Variants in CNTNAP2 observed in about 807,000 individuals in gnomAD.
CNTNAP2 encodes the protein contactin-associated protein-like 2.
In CNTNAP2, 98 loss-of-function variants were observed where a neutral mutation model predicts 155.2. The ratio of observed to expected loss-of-function variants is 0.63; its 90% CI spans 0.54 to 0.75. The LOEUF (loss-of-function observed/expected upper bound fraction) is 0.75, where lower values mean the gene tolerates loss of function less well. Ranked by LOEUF, CNTNAP2 falls within the 30% of genes least tolerant of loss-of-function variation. The pLI, the probability that CNTNAP2 is intolerant of heterozygous loss-of-function variation, is 0.00. For missense variants in CNTNAP2, 1,727 were observed against 1,688.1 expected (o/e 1.02, Z -0.40); for synonymous variants, 651 against 631.2 (o/e 1.03, Z -0.47).
intron 1 of CNTNAP2, among the ~76,000 whole-genome samples, chr7:146,650,880 A>T (rs1585024996): frequency 6.6e-6 from 1 of 152,218 alleles, no homozygotes; most frequent in East Asian, 1.9e-4. Context: ...AAACAGCCAG[A>T]TGGACTGGTA....
At chr7:146,324,969 CT>C (rs566221256) in intron 1 of CNTNAP2, among the ~76,000 whole-genome samples, 29 of 152,114 alleles carry the variant, frequency 1.9e-4, no homozygotes, top group Non-Finnish European at 3.1e-4. Context: ...GATTCCCACT[CT>C]GTTGCACAGG....
At chr7:146,947,373 T>A (rs1797198136) in intron 3 of CNTNAP2, among the ~76,000 whole-genome samples, 1 of 143,044 alleles carries the variant, frequency 7.0e-6, no homozygotes, top group Non-Finnish European at 1.5e-5. Context: ...CCTATCAAGT[T>A]CCTTCTCTCT....
intron 15 of CNTNAP2, among the ~76,000 whole-genome samples, chr7:148,010,696 T>C (rs1292661721): frequency 6.6e-6 from 1 of 151,356 alleles, no homozygotes; most frequent in Non-Finnish European, 1.5e-5. Flanking sequence ...TTTTTTAGAG[T>C]CAATTTAGGT....
At position 147,719,489 on chromosome 7, in the gene CNTNAP2, C is replaced by T. The variant is rs1396214918; in HGVS notation, c.2098+80183C>T. 2.6e-5 allele frequency among the ~76,000 whole-genome samples: 4 copies of T among 151,896 alleles called. No individual in the cohort carries two copies. The East Asian group carries it at 7.7e-4, about 29-fold the overall frequency. ...AATCTGCCAGCTTCTGTACACAGACCTCATTGTCTCTAAATGATTCACCTA... is the reference window on the plus strand; with the variant it reads ...AATCTGCCAGCTTCTGTACACAGACTTCATTGTCTCTAAATGATTCACCTA... On this transcript the variant is annotated intron_variant, in intron 13 of 23. Transcript: ENST00000361727.
chr7:147,996,568 G>A (rs923366168), intron 15 of CNTNAP2, among the ~76,000 whole-genome samples: 1 of 152,134 alleles, frequency 6.6e-6, no homozygotes, highest in Admixed American at 6.5e-5. Context: ...AATTGTGCTA[G>A]TACAAAAGGT....
At chr7:146,568,996 T>A (rs1175674546) in intron 1 of CNTNAP2, among the ~76,000 whole-genome samples, 1 of 151,536 alleles carries the variant, frequency 6.6e-6, no homozygotes, top group Non-Finnish European at 1.5e-5. Context: ...TCTTTTTATT[T>A]TTTTTATTTT....
At chr7:147,151,752 T>C (rs76879206) in intron 8 of CNTNAP2, among the ~76,000 whole-genome samples, 6,064 of 152,248 alleles carry the variant, frequency 0.04, 370 homozygotes, top group African/African-American at 0.13. Context: ...GTCTGTTTTG[T>C]TTGCAAATCC....
intron 3 of CNTNAP2, among the ~76,000 whole-genome samples, chr7:146,953,870 TAATC>T (rs1797375375): frequency 6.6e-6 from 1 of 151,946 alleles, no homozygotes; most frequent in Admixed American, 6.6e-5. Context: ...TTGCAAATAA[TAATC>T]AGGTAAAAAA....
At chr7:146,280,201 CA>C (rs1306934748) in intron 1 of CNTNAP2, among the ~76,000 whole-genome samples, 1 of 152,122 alleles carries the variant, frequency 6.6e-6, no homozygotes, top group Non-Finnish European at 1.5e-5. Flanking sequence ...CTCCAAAATT[CA>C]GCTAAAATAT....
intron 3 of CNTNAP2, among the ~76,000 whole-genome samples, chr7:146,891,766 C>T (rs1367566644): frequency 6.6e-6 from 1 of 152,114 alleles, no homozygotes; most frequent in Non-Finnish European, 1.5e-5. Flanking sequence ...CCACTGTCAC[C>T]AGCTGGCATA....
intron 1 of CNTNAP2, among the ~76,000 whole-genome samples, chr7:146,431,568 T>G (rs898449691): frequency 6.6e-6 from 1 of 152,094 alleles, no homozygotes; most frequent in African/African-American, 2.4e-5. Flanking sequence ...CAGGCATATT[T>G]CTATATGCTT....
At position 147,851,765 on chromosome 7, in the gene CNTNAP2, T is replaced by TG. The variant is rs1355595627; in HGVS notation, c.2099-51794dup. The stretch of plus-strand genomic sequence containing the variant: ...TCACACACCAAGGCCTGTCGTGGGG[T>TG]GGGGGGAGGGGGGAAGGATAGCATT... On this transcript the variant is annotated intron_variant, in intron 13 of 23. Coordinates refer to ENST00000361727, the MANE Select transcript of CNTNAP2 (RefSeq NM_014141.6). 7.0e-5 allele frequency among the ~76,000 whole-genome samples: 4 copies of TG among 57,464 alleles called. No homozygotes were observed. In the East Asian group the frequency reaches 1.9e-3, roughly 28 times the overall value. The allele number at this position is 57,464 out of a possible 152,430, so 37.7% of individuals were successfully genotyped here. A position where few individuals can be genotyped will look rare whatever the true frequency, so the allele number is the denominator to read the frequency against.
chr7:146,696,775 T>C lies in CNTNAP2; in HGVS notation c.98-77496T>C, dbSNP rs150986963. The stretch of plus-strand genomic sequence containing the variant: ...TTCTTCAGACTTCTTCTTTGACTCA[T>C]GTAATCCTTAAAATTTATTGTATTC... On this transcript the variant is annotated intron_variant, in intron 1 of 23. Transcript: ENST00000361727. Among the ~76,000 whole-genome samples the C allele has an allele frequency of 8.5e-3, 1,302 of 152,286 alleles. 15 individuals carry two copies. Among genetic ancestry groups the C allele is most frequent in the Middle Eastern group, 0.031 (9 of 294 alleles).
At chr7:147,379,044 T>G (rs1000239921) in intron 9 of CNTNAP2, among the ~76,000 whole-genome samples, 3 of 152,002 alleles carry the variant, frequency 2.0e-5, no homozygotes, top group African/African-American at 4.8e-5. Context: ...TAAGGGACTT[T>G]CCCTCACCTT....
intron 21 of CNTNAP2, among the ~76,000 whole-genome samples, chr7:148,333,715 C>G (rs1405699363): frequency 6.6e-6 from 1 of 152,182 alleles, no homozygotes; most frequent in Non-Finnish European, 1.5e-5. Context: ...AATATTGACC[C>G]TAACAGAGAA....
intron 4 of CNTNAP2, among the ~76,000 whole-genome samples, chr7:147,075,929 G>A (rs913819625): frequency 6.6e-5 from 10 of 152,112 alleles, no homozygotes; most frequent in African/African-American, 2.2e-4. Context: ...ATGGTTTCCA[G>A]CTTCATCCAT....
At chr7:147,866,116 C>A (rs1258165048) in intron 13 of CNTNAP2, among the ~76,000 whole-genome samples, 1 of 152,110 alleles carries the variant, frequency 6.6e-6, no homozygotes, top group African/African-American at 2.4e-5. Context: ...GATTCTGGTA[C>A]GTTGTGTCTT....
chr7:148,040,003 C>T (rs1347981055), intron 15 of CNTNAP2, among the ~76,000 whole-genome samples: 4 of 152,160 alleles, frequency 2.6e-5, no homozygotes, highest in Admixed American at 6.6e-5. Context: ...ACAAAACTAT[C>T]CCTTCTCTCT....
chr7:147,525,056 G>T (rs917563970), intron 11 of CNTNAP2, among the ~76,000 whole-genome samples: 24 of 152,170 alleles, frequency 1.6e-4, no homozygotes, highest in Non-Finnish European at 2.6e-4. Flanking sequence ...GGAAAGTCGG[G>T]GGCTGGCATT....
Sources: allele counts gnomAD v4.1 joint callset (sites outside exome capture counted in the v4.1 genomes callset), GRCh38; gene constraint gnomAD v4.1.1; transcripts MANE v1.5; gene names NCBI Gene and HGNC (gene_info 2026-07-23, HGNC 2026-07-21).